The following ZDHHC17 variants were observed in gnomAD, a reference collection of about 807,000 sequenced individuals.
ZDHHC17 encodes the protein zDHHC palmitoyltransferase 17.
ZDHHC17 carries 40 observed loss-of-function variants against 90.3 expected under a neutral mutation model. That is an observed-to-expected ratio of 0.44 (90% CI 0.34 to 0.58). The LOEUF is 0.58. Among genes scored for constraint, ZDHHC17 ranks in the 20% least tolerant of loss-of-function variants. The probability of loss-of-function intolerance (pLI) is 0.01; values close to 1 mark genes in which losing one functional copy is unlikely to be tolerated. For synonymous variants in ZDHHC17, 235 were observed against 252.4 expected (o/e 0.93, Z 0.65); for missense variants, 614 against 780.8 (o/e 0.79, Z 2.55).
chr12:76,803,656 A>G (rs1292105925), intron 2 of ZDHHC17, among the ~76,000 whole-genome samples: 3 of 152,230 alleles, frequency 2.0e-5, no homozygotes, highest in Admixed American at 6.5e-5. Context: ...TAAGATAACC[A>G]TAAATACAGA....
chr12:76,832,434 G>A (rs1953315026), intron 10 of ZDHHC17, among the ~76,000 whole-genome samples: 1 of 152,186 alleles, frequency 6.6e-6, no homozygotes, highest in Non-Finnish European at 1.5e-5. Flanking sequence ...CTGTGAAGTT[G>A]CTGCAAGCAC....
rs140918004 is a variant in ZDHHC17 at position 76,797,849 on chromosome 12, C to T, written c.197+312C>T. Among the ~76,000 whole-genome samples, 492 of 151,878 alleles carry T rather than the reference C, an allele frequency of 3.2e-3. 4 individuals are homozygous for T. Among genetic ancestry groups the T allele is most frequent in the African/African-American group, 0.011 (466 of 41,424 alleles). ...ATCCCAGCTATTTGGGAGGCTGAGG[C>T]GGGAGAATCGCTTGAACCCAGGAGG... On this transcript the variant is annotated intron_variant, in intron 2 of 16. Transcript: ENST00000426126.
chr12:76,849,278 T>G, intron 15 of ZDHHC17, 98 bp from the exon 16 acceptor site: 1 of 604,860 alleles, frequency 1.7e-6, no homozygotes, highest in East Asian at 3.4e-5. Flanking sequence ...GAGCTGAGAA[T>G]TCGCCATTGC....
At chr12:76,802,619 T>C (rs539324619) in intron 2 of ZDHHC17, among the ~76,000 whole-genome samples, 1 of 152,358 alleles carries the variant, frequency 6.6e-6, no homozygotes, top group African/African-American at 2.4e-5. Flanking sequence ...TTTCCTTCGG[T>C]CTTTTTTCTT....
At chr12:76,849,147 C>CA (rs1466637742) in intron 15 of ZDHHC17, among the ~76,000 whole-genome samples, 29 of 68,516 alleles carry the variant, frequency 4.2e-4, no homozygotes, top group African/African-American at 1.2e-3. Context: ...AAAAACCCAA[C>CA]AAAAAAAAGA....
chr12:76,795,227 T>G (rs568106398), intron 1 of ZDHHC17, among the ~76,000 whole-genome samples: 21 of 151,914 alleles, frequency 1.4e-4, no homozygotes, highest in African/African-American at 4.4e-4. Context: ...GGTGTGTGTG[T>G]GTGTGTGTGT....
intron 1 of ZDHHC17, 33 bp from the exon 2 acceptor site, chr12:76,797,401 A>G (rs752596123): frequency 3.4e-5 from 51 of 1,514,474 alleles, no homozygotes; most frequent in Admixed American, 2.3e-4. Context: ...TCTTTTTTCA[A>G]TTCTTGCCTG....
At chr12:76,821,277 C>T in intron 7 of ZDHHC17, 10 of 334,194 alleles carry the variant, frequency 3.0e-5, no homozygotes, top group Non-Finnish European at 4.5e-5. Context: ...GTGGAAGACT[C>T]CTAGATTAGC....
intron 1 of ZDHHC17, among the ~76,000 whole-genome samples, chr12:76,794,229 G>T (rs1952793933): frequency 1.3e-5 from 2 of 152,210 alleles, no homozygotes; most frequent in Admixed American, 1.3e-4. Flanking sequence ...ATATTTGTAT[G>T]TTGAAAATAT....
intron 2 of ZDHHC17, 141 bp downstream of exon 2, chr12:76,797,678 C>G: frequency 1.8e-6 from 1 of 544,660 alleles, no homozygotes; most frequent in Non-Finnish European, 2.9e-6. Flanking sequence ...TGCGGTGGCT[C>G]ACACCTGTAA....
At chr12:76,814,407 G>GTTTA (rs1291880637) in intron 5 of ZDHHC17, among the ~76,000 whole-genome samples, 1 of 151,854 alleles carries the variant, frequency 6.6e-6, no homozygotes, top group African/African-American at 2.4e-5. Flanking sequence ...AGTATTAAAT[G>GTTTA]TTTATATGAA....
chr12:76,773,702 T>C (rs1244413799), intron 1 of ZDHHC17, among the ~76,000 whole-genome samples: 1 of 152,198 alleles, frequency 6.6e-6, no homozygotes, highest in Non-Finnish European at 1.5e-5. Context: ...TATACATGAA[T>C]AGGTCAAAAT....
At chr12:76,833,780 G>A (rs546992188) in intron 10 of ZDHHC17, among the ~76,000 whole-genome samples, 94 of 152,216 alleles carry the variant, frequency 6.2e-4, no homozygotes, top group African/African-American at 2.2e-3. Flanking sequence ...GCAACAGAGC[G>A]AGACTCTGTC....
At chr12:76,849,561 CTT>C in intron 16 of ZDHHC17, 91 bp downstream of exon 16, 1 of 718,428 alleles carries the variant, frequency 1.4e-6, no homozygotes, top group Non-Finnish European at 2.2e-6. Flanking sequence ...TGTAAAATAG[CTT>C]TTAAACCTTT....
At chr12:76,842,839 T>G in intron 11 of ZDHHC17, 80 bp from the exon 12 acceptor site, 1 of 992,246 alleles carries the variant, frequency 1.0e-6, no homozygotes, top group Non-Finnish European at 1.5e-6. Flanking sequence ...GAAAATCATG[T>G]TTATTGATTC....
At chr12:76,765,933 C>T (rs1251586125) in intron 1 of ZDHHC17, among the ~76,000 whole-genome samples, 1 of 152,310 alleles carries the variant, frequency 6.6e-6, no homozygotes, top group East Asian at 1.9e-4. Flanking sequence ...AACTCTTGAA[C>T]TCAAGTGGTC....
intron 1 of ZDHHC17, among the ~76,000 whole-genome samples, chr12:76,777,105 A>G (rs1952568220): frequency 6.6e-6 from 1 of 150,458 alleles, no homozygotes; most frequent in South Asian, 2.1e-4. Context: ...GGAAATTAAC[A>G]TTGGTACAGT....
At chr12:76,768,835 A>G (rs1240575131) in intron 1 of ZDHHC17, among the ~76,000 whole-genome samples, 1 of 152,180 alleles carries the variant, frequency 6.6e-6, no homozygotes, top group African/African-American at 2.4e-5. Flanking sequence ...TGGATTGCCT[A>G]GATTATCTAG....
intron 1 of ZDHHC17, among the ~76,000 whole-genome samples, chr12:76,780,746 T>C (rs1051590501): frequency 7.2e-5 from 11 of 152,184 alleles, no homozygotes; most frequent in African/African-American, 2.7e-4. Context: ...TGATCTCTCT[T>C]TGATAAACTT....
Sources: gnomAD v4.1 joint callset for allele counts (sites outside exome capture counted in the v4.1 genomes callset) on GRCh38, gnomAD v4.1.1 for gene constraint, MANE v1.5 for transcripts, NCBI Gene and HGNC (gene_info 2026-07-23, HGNC 2026-07-21) for gene names.